HTR7: variants seen among roughly 807,000 people sequenced by gnomAD.
HTR7 encodes 5-HT-7.
A neutral mutation model predicts 34.0 loss-of-function variants in HTR7; 16 were observed. The observed-to-expected ratio is 0.47, with a 90% CI of 0.32 to 0.71. HTR7 has a LOEUF of 0.71. HTR7 is among the 30% of genes least tolerant of loss of function. The pLI, the probability that HTR7 is intolerant of heterozygous loss-of-function variation, is 0.04. For missense variants in HTR7, 504 were observed against 625.5 expected (o/e 0.81, Z 2.07); for synonymous variants, 265 against 260.2 (o/e 1.02, Z -0.18).
intron 1 of HTR7, among the ~76,000 whole-genome samples, chr10:90,841,172 A>G (rs531617987): frequency 1.3e-5 from 2 of 152,378 alleles, no homozygotes; most frequent in Admixed American, 1.3e-4. Flanking sequence ...TAAAACAGCG[A>G]TAATAAAAGT....
Position 90,813,144 on chromosome 10 carries a change from C to T in HTR7, c.539+43989G>A, listed in dbSNP as rs1229579160. On this transcript the variant is annotated intron_variant, in intron 1 of 3. Transcript: ENST00000336152. ...CAAATCTTATAAAACGGCCCCACCC[C>T]TATCTCCCTTTGCTGACTCTCTTTT... Among the ~76,000 whole-genome samples, 6 of 152,164 alleles carry T rather than the reference C, an allele frequency of 3.9e-5. No homozygotes were observed. The South Asian group carries it at 1.2e-3, about 32-fold the overall frequency.
intron 1 of HTR7, among the ~76,000 whole-genome samples, chr10:90,763,673 G>C (rs1358805141): frequency 6.6e-6 from 1 of 152,094 alleles, no homozygotes; most frequent in African/African-American, 2.4e-5. Flanking sequence ...GTGTCCATGA[G>C]TTCTCACTGT....
chr10:90,791,192 T>A (rs951213658), intron 1 of HTR7, among the ~76,000 whole-genome samples: 1 of 151,942 alleles, frequency 6.6e-6, no homozygotes, highest in African/African-American at 2.4e-5. Flanking sequence ...CTCAAAAAAA[T>A]TATCAAATAC....
chr10:90,750,109 C>G (rs1564668821), intron 1 of HTR7, among the ~76,000 whole-genome samples: 1 of 152,166 alleles, frequency 6.6e-6, no homozygotes, highest in Non-Finnish European at 1.5e-5. Context: ...TAAGATCACA[C>G]AGATTCGTGA....
chr10:90,781,010 T>C (rs1845299111), intron 1 of HTR7, among the ~76,000 whole-genome samples: 1 of 152,224 alleles, frequency 6.6e-6, no homozygotes, highest in Non-Finnish European at 1.5e-5. Flanking sequence ...TCTGAAACTT[T>C]TCTTAATTTT....
chr10:90,747,063 T>C (rs1844650299), intron 2 of HTR7, among the ~76,000 whole-genome samples: 2 of 152,186 alleles, frequency 1.3e-5, no homozygotes, highest in African/African-American at 2.4e-5. Context: ...ATCGGGGTGA[T>C]TCATATCACA....
intron 1 of HTR7, among the ~76,000 whole-genome samples, chr10:90,839,481 C>T (rs1846296384): frequency 6.6e-6 from 1 of 152,178 alleles, no homozygotes. Flanking sequence ...AGCTATGTAG[C>T]TGCCTCTCTT....
At chr10:90,791,961 G>C (rs1031056250) in intron 1 of HTR7, among the ~76,000 whole-genome samples, 2 of 152,112 alleles carry the variant, frequency 1.3e-5, no homozygotes, top group Non-Finnish European at 2.9e-5. Flanking sequence ...AAATTAAAGA[G>C]CAGTAAAAAG....
intron 1 of HTR7, among the ~76,000 whole-genome samples, chr10:90,823,283 C>T (rs1462680314): frequency 1.3e-5 from 2 of 152,146 alleles, no homozygotes; most frequent in Non-Finnish European, 2.9e-5. Flanking sequence ...GGTGGAGCTG[C>T]CCAAGGCCTT....
rs976472003 is a variant in HTR7 at position 90,808,936 on chromosome 10, G to A, written c.539+48197C>T. 1.6e-4 allele frequency among the ~76,000 whole-genome samples: 24 copies of A among 152,224 alleles called. No homozygotes were observed. The Middle Eastern group carries it at 0.017, about 108-fold the overall frequency. On this transcript the variant is annotated intron_variant, in intron 1 of 3. Transcript: ENST00000336152. ...TCGTAAAATAGGCAAACGGTCTGAG[G>A]TGCCTGACGTCCAGGCATTCTTTTA... is the stretch of plus-strand genomic sequence containing the variant.
At chr10:90,812,150 A>T (rs1208045225) in intron 1 of HTR7, among the ~76,000 whole-genome samples, 1 of 152,232 alleles carries the variant, frequency 6.6e-6, no homozygotes, top group Non-Finnish European at 1.5e-5. Flanking sequence ...GGTACAGCCC[A>T]TTTGAGCTCC....
intron 1 of HTR7, among the ~76,000 whole-genome samples, chr10:90,845,831 T>G (rs1846407232): frequency 1.3e-5 from 2 of 152,182 alleles, no homozygotes; most frequent in South Asian, 2.1e-4. Context: ...CCAGAAGCCA[T>G]GAGCTTTCCC....
At chr10:90,806,076 A>G (rs935102196) in intron 1 of HTR7, among the ~76,000 whole-genome samples, 1 of 152,236 alleles carries the variant, frequency 6.6e-6, no homozygotes, top group African/African-American at 2.4e-5. Context: ...TCATAAAGAA[A>G]CTAAGATGCG....
At chr10:90,830,141 G>C (rs1394903969) in intron 1 of HTR7, among the ~76,000 whole-genome samples, 1 of 152,120 alleles carries the variant, frequency 6.6e-6, no homozygotes, top group Non-Finnish European at 1.5e-5. Context: ...CCCACCAATA[G>C]CGAACCTCAG....
chr10:90,848,597 A>T (rs1240302157), intron 1 of HTR7, among the ~76,000 whole-genome samples: 1 of 152,214 alleles, frequency 6.6e-6, no homozygotes, highest in Non-Finnish European at 1.5e-5. Context: ...TGGATGAAGG[A>T]AGAATTGCAA....
intron 1 of HTR7, among the ~76,000 whole-genome samples, chr10:90,810,757 C>T (rs1265183466): frequency 1.3e-5 from 2 of 152,184 alleles, no homozygotes; most frequent in Non-Finnish European, 2.9e-5. Context: ...ACACCCATCA[C>T]GCTCAGCAAA....
intron 2 of HTR7, among the ~76,000 whole-genome samples, chr10:90,746,907 TTTAC>T (rs1438050855): frequency 2.0e-5 from 3 of 152,200 alleles, no homozygotes; most frequent in African/African-American, 7.2e-5. Context: ...TCTAATAAAC[TTTAC>T]TTACTTAGAG....
chr10:90,758,449 AAAAATTTATTC>A (rs146758497), intron 1 of HTR7, among the ~76,000 whole-genome samples: 2,908 of 152,214 alleles, frequency 0.019, 67 homozygotes, highest in African/African-American at 0.055. Context: ...ATGCATATGG[AAAAATTTATTC>A]AAAATTTATT....
chr10:90,856,407 G>A (rs1846581482), intron 1 of HTR7, among the ~76,000 whole-genome samples: 1 of 152,146 alleles, frequency 6.6e-6, no homozygotes, highest in African/African-American at 2.4e-5. Flanking sequence ...ACCCAAGGCA[G>A]GAATTTTTCC....
Sources: gnomAD v4.1 joint callset for allele counts (sites outside exome capture counted in the v4.1 genomes callset) on GRCh38, gnomAD v4.1.1 for gene constraint, MANE v1.5 for transcripts, NCBI Gene and HGNC (gene_info 2026-07-23, HGNC 2026-07-21) for gene names.